CDYL: variants seen among roughly 807,000 people sequenced by gnomAD.
CDYL encodes chromodomain Y like.
A neutral mutation model predicts 47.3 loss-of-function variants in CDYL; 8 were observed. The ratio of observed to expected loss-of-function variants is 0.17; its 90% CI spans 0.10 to 0.31. The LOEUF is 0.31. Ranked by LOEUF, CDYL falls within the 10% of genes least tolerant of loss-of-function variation. The pLI, the probability that CDYL is intolerant of heterozygous loss-of-function variation, is 1.00. For synonymous variants in CDYL, 266 were observed against 265.0 expected (o/e 1.00, Z -0.04); for missense variants, 471 against 701.4 (o/e 0.67, Z 3.71).
intron 2 of CDYL, among the ~76,000 whole-genome samples, chr6:4,727,093 A>G (rs1428481982): frequency 1.3e-5 from 2 of 152,160 alleles, no homozygotes; most frequent in Admixed American, 1.3e-4. Flanking sequence ...AATTTAAAAA[A>G]TATATTTTCC....
chr6:4,920,132 C>T (rs1036725917), intron 2 of CDYL, among the ~76,000 whole-genome samples: 3 of 152,166 alleles, frequency 2.0e-5, no homozygotes, highest in Non-Finnish European at 1.5e-5. Context: ...GTTCCACTTA[C>T]AAGAGGTACC....
intron 2 of CDYL, among the ~76,000 whole-genome samples, chr6:4,914,317 G>C (rs188069557): frequency 6.6e-6 from 1 of 151,316 alleles, no homozygotes; most frequent in African/African-American, 2.4e-5. Context: ...GTACGGCTCC[G>C]TGCTTTTCTC....
At chr6:4,846,183 T>TAA (rs75102410) in intron 1 of CDYL, among the ~76,000 whole-genome samples, 5 of 135,554 alleles carry the variant, frequency 3.7e-5, no homozygotes, top group Non-Finnish European at 8.0e-5. Flanking sequence ...ACTGCCTTCT[T>TAA]AAAAAAAAAA....
Position 4,892,191 on chromosome 6 carries a change from C to A in CDYL, c.503C>A (p.Pro168His). 6.2e-7 allele frequency: 1 copy of A among 1,614,220 alleles called. No individual in the cohort carries two copies. ...AGCGAGAGCCCTGAGAAACTGGACC[C>A]CGTCGAGCAGGGTCAGGAGGACACA... ...FQSESPEKLD[P>H]VEQGQEDTVA... is the part of the protein sequence containing the mutation. The change falls in exon 2 of 7, where the codon CCC becomes CAC. Residue 168 changes from proline to histidine, a missense_variant. Coordinates refer to ENST00000397588, the MANE Select transcript of CDYL (RefSeq NM_004824.4).
At chr6:4,721,001 T>G (rs1757358943) in intron 2 of CDYL, among the ~76,000 whole-genome samples, 1 of 152,234 alleles carries the variant, frequency 6.6e-6, no homozygotes, top group Non-Finnish European at 1.5e-5. Flanking sequence ...TTGGGATTGC[T>G]GCTTTTTCTT....
chr6:4,896,077 C>A (rs993142210), intron 2 of CDYL, among the ~76,000 whole-genome samples: 15 of 152,140 alleles, frequency 9.9e-5, no homozygotes, highest in African/African-American at 3.6e-4. Flanking sequence ...AGCCCTGACC[C>A]CTGTATACTG....
At chr6:4,718,004 C>T (rs1757301465) in intron 2 of CDYL, among the ~76,000 whole-genome samples, 1 of 151,934 alleles carries the variant, frequency 6.6e-6, no homozygotes, top group Admixed American at 6.6e-5. Context: ...TGCCACCACA[C>T]CCGGCTGATT....
Position 4,943,684 on chromosome 6 carries a change from C to A in CDYL, c.1260C>A (p.Pro420=). 1 of 1,613,682 alleles carries A rather than the reference C, an allele frequency of 6.2e-7. No homozygotes were observed. The highest frequency in any genetic ancestry group is 1.1e-5 in the South Asian group (1 of 91,072). ...ATGAAAAGGCTTGGTTTCAAACACC[C>A]TATACCACCTTCGGACAGAGTCCAG... ...WANEKAWFQT[P]YTTFGQSPDG... is the part of the protein sequence containing the mutation. The change falls in exon 5 of 7, where the codon CCC becomes CCA. Residue 420 remains proline, a synonymous_variant. Coordinates refer to ENST00000397588, the MANE Select transcript of CDYL (RefSeq NM_004824.4).
intron 2 of CDYL, among the ~76,000 whole-genome samples, chr6:4,893,205 G>A (rs1270796240): frequency 2.6e-5 from 4 of 152,198 alleles, no homozygotes; most frequent in African/African-American, 9.7e-5. Context: ...CGAGGGTGGT[G>A]TCCACTGGTG....
intron 1 of CDYL, among the ~76,000 whole-genome samples, chr6:4,833,004 T>G (rs1402963107): frequency 6.6e-6 from 1 of 151,716 alleles, no homozygotes; most frequent in Admixed American, 6.6e-5. Flanking sequence ...TCAATTTTGT[T>G]GATCCTTTCA....
chr6:4,927,823 AT>A (rs1176552039), intron 2 of CDYL, among the ~76,000 whole-genome samples: 1 of 152,172 alleles, frequency 6.6e-6, no homozygotes, highest in African/African-American at 2.4e-5. Flanking sequence ...ATGTACTAGA[AT>A]TTTTTAAGCT....
At position 4,757,174 on chromosome 6, in the gene CDYL, T is replaced by C. The variant is rs1316777596; in HGVS notation, c.186+22330T>C. 2.6e-5 allele frequency among the ~76,000 whole-genome samples: 4 copies of C among 152,238 alleles called. No homozygotes were observed. The South Asian group carries it at 6.2e-4, about 24-fold the overall frequency. The stretch of plus-strand genomic sequence containing the variant: ...AACTTTAGTGTTGAAATAGTTGTCA[T>C]CTAAACCAATGATGCCCAAACACAG... On this transcript the variant is annotated intron_variant, in intron 3 of 8. Transcript: ENST00000328908.
At chr6:4,744,073 G>GA (rs1757843408) in intron 3 of CDYL, among the ~76,000 whole-genome samples, 1 of 152,158 alleles carries the variant, frequency 6.6e-6, no homozygotes, top group Non-Finnish European at 1.5e-5. Flanking sequence ...GAAGTCTGCA[G>GA]AGGCTGGTGA....
At chr6:4,907,665 G>A (rs1757281469) in intron 2 of CDYL, among the ~76,000 whole-genome samples, 2 of 152,206 alleles carry the variant, frequency 1.3e-5, no homozygotes, top group Admixed American at 1.3e-4. Context: ...GAGCCACCAT[G>A]TCCAGCCTCT....
chr6:4,774,922 C>G (rs894468938), upstream of CDYL, among the ~76,000 whole-genome samples: 2 of 152,184 alleles, frequency 1.3e-5, no homozygotes, highest in African/African-American at 4.8e-5. Flanking sequence ...GGTAGAAGCA[C>G]CGCTTAAGGG....
intron 2 of CDYL, among the ~76,000 whole-genome samples, chr6:4,902,443 C>T (rs959885155): frequency 6.6e-6 from 1 of 151,718 alleles, no homozygotes; most frequent in Non-Finnish European, 1.5e-5. Flanking sequence ...CTGAGCAAGC[C>T]TGGACAATCA....
chr6:4,751,444 T>C (rs1757989393), intron 3 of CDYL, among the ~76,000 whole-genome samples: 1 of 152,238 alleles, frequency 6.6e-6, no homozygotes, highest in Non-Finnish European at 1.5e-5. Context: ...AAGTGTGAAA[T>C]TTATTTAAGC....
chr6:4,839,686 C>G (rs963981664), intron 1 of CDYL, among the ~76,000 whole-genome samples: 3 of 152,188 alleles, frequency 2.0e-5, no homozygotes, highest in African/African-American at 4.8e-5. Flanking sequence ...GTCCTTTCCC[C>G]ACTTTATCTT....
rs189991931 is a variant in CDYL, at chr6:4,933,368, G to T, written c.692-2147G>T. On this transcript the variant is annotated intron_variant, in intron 2 of 6. Coordinates refer to ENST00000397588, the MANE Select transcript of CDYL (RefSeq NM_004824.4). Reference sequence around the variant, plus strand: ...TCGCCTCCTCCCTCAGCAACTCCAGGCTGCCCTGTGGAAGCCCCTCTTCCG... The same window carrying T: ...TCGCCTCCTCCCTCAGCAACTCCAGTCTGCCCTGTGGAAGCCCCTCTTCCG... Among the ~76,000 whole-genome samples, 12 of 152,318 alleles carry T rather than the reference G, an allele frequency of 7.9e-5. No homozygotes were observed. In the South Asian group the frequency reaches 1.2e-3, roughly 16 times the overall value.
Sources: gnomAD v4.1 joint callset for allele counts (sites outside exome capture counted in the v4.1 genomes callset) on GRCh38, gnomAD v4.1.1 for gene constraint, MANE v1.5 for transcripts, NCBI Gene and HGNC (gene_info 2026-07-23, HGNC 2026-07-21) for gene names.